The following PTPN12 variants were observed in gnomAD, a reference collection of about 807,000 sequenced individuals.
The protein encoded by PTPN12 is tyrosine-protein phosphatase non-receptor type 12.
PTPN12 carries 29 observed loss-of-function variants against 97.6 expected under a neutral mutation model. The ratio of observed to expected loss-of-function variants is 0.30; its 90% CI spans 0.22 to 0.41. The LOEUF (loss-of-function observed/expected upper bound fraction) is 0.41. PTPN12 is among the 10% of genes least tolerant of loss of function. The probability of loss-of-function intolerance (pLI) is 1.00; values close to 1 mark genes in which losing one functional copy is unlikely to be tolerated. For missense variants in PTPN12, 819 were observed against 926.0 expected (o/e 0.88, Z 1.50); for synonymous variants, 327 against 300.4 (o/e 1.09, Z -0.91).
Position 77,627,373 on chromosome 7 carries a change from CTG to C in PTPN12, c.1697_1698del (p.Val566GlufsTer11), listed in dbSNP as rs1229004721. The C allele has an allele frequency of 1.9e-6, 3 of 1,613,952 alleles. No homozygotes were observed. Among genetic ancestry groups the C allele is most frequent in the Non-Finnish European group, 2.5e-6 (3 of 1,179,952 alleles). ...GATATCAACTATCAAACTAGGAAAA[CTG>C]TGAGTTTAACACCAAGTCCTACAAC... On this transcript the variant is annotated frameshift_variant, in exon 13 of 18. Coordinates refer to ENST00000248594, the MANE Select transcript of PTPN12 (RefSeq NM_002835.4). LOFTEE classifies it high-confidence loss of function.
At chr7:77,537,790 T>A (rs1292045431) in intron 1 of PTPN12, 145 bp downstream of exon 1, 1 of 925,508 alleles carries the variant, frequency 1.1e-6, no homozygotes, top group African/African-American at 1.8e-5. Context: ...CCGGGTGGTC[T>A]CGGAGGCCAG....
chr7:77,625,516 T>TCTCTCTCA (rs1274850875), intron 12 of PTPN12, among the ~76,000 whole-genome samples: 1 of 100,322 alleles, frequency 1.0e-5, no homozygotes, highest in Non-Finnish European at 2.0e-5. Flanking sequence ...TCTCTCTCTC[T>TCTCTCTCA]CTCTCTCACT....
rs1787333971 is a variant in PTPN12, at chr7:77,576,109, C to T, written c.208+4923C>T. On this transcript the variant is annotated intron_variant, in intron 2 of 17. Coordinates refer to ENST00000248594, the MANE Select transcript of PTPN12 (RefSeq NM_002835.4). The stretch of plus-strand genomic sequence containing the variant: ...GACCTCGTGATCCGCCTGCCTCGGC[C>T]TCCCAAAGTGCTGGGATTACAGGCT... Among the ~76,000 whole-genome samples, 3 of 152,174 alleles carry T rather than the reference C, an allele frequency of 2.0e-5. No individual in the cohort carries two copies. In the South Asian group the frequency reaches 6.2e-4, roughly 32 times the overall value.
At chr7:77,549,232 G>A (rs1292819267) in intron 1 of PTPN12, among the ~76,000 whole-genome samples, 2 of 152,144 alleles carry the variant, frequency 1.3e-5, no homozygotes, top group African/African-American at 4.8e-5. Flanking sequence ...GCAGTCCAAA[G>A]AGTGTCTAGT....
chr7:77,635,387 C>T (rs1174841624), intron 14 of PTPN12, among the ~76,000 whole-genome samples: 1 of 152,120 alleles, frequency 6.6e-6, no homozygotes, highest in Non-Finnish European at 1.5e-5. Flanking sequence ...CGAGATCGCG[C>T]CTGGTCAACA....
intron 1 of PTPN12, among the ~76,000 whole-genome samples, chr7:77,556,210 G>A (rs953314615): frequency 6.6e-6 from 1 of 152,074 alleles, no homozygotes; most frequent in African/African-American, 2.4e-5. Context: ...ACAGGCATGT[G>A]TGAACATGCC....
intron 16 of PTPN12, 64 bp downstream of exon 16, chr7:77,637,112 A>G: frequency 7.7e-7 from 1 of 1,299,982 alleles, no homozygotes; most frequent in Non-Finnish European, 1.1e-6. Context: ...TCTACAAAAT[A>G]ACATGCTTCA....
intron 11 of PTPN12, 98 bp from the exon 12 acceptor site, chr7:77,618,382 G>A (rs1788823367): frequency 1.3e-6 from 1 of 795,350 alleles, no homozygotes; most frequent in Admixed American, 2.7e-5. Flanking sequence ...AATTGGCATT[G>A]TTTAAGGATT....
At chr7:77,591,492 TTAAAA>T (rs1192571521) in intron 5 of PTPN12, among the ~76,000 whole-genome samples, 17 of 152,308 alleles carry the variant, frequency 1.1e-4, no homozygotes, top group African/African-American at 4.1e-4. Flanking sequence ...CTATACCTGT[TTAAAA>T]TAGGAAGGTA....
intron 5 of PTPN12, 133 bp from the exon 6 acceptor site, chr7:77,592,052 T>C (rs1787883879): frequency 4.2e-6 from 3 of 721,974 alleles, no homozygotes; most frequent in Non-Finnish European, 7.0e-6. Context: ...CTCTCTCAGC[T>C]CCATGCCTGC....
chr7:77,637,853 G>A (rs1359640348), intron 16 of PTPN12, among the ~76,000 whole-genome samples: 2 of 57,680 alleles, frequency 3.5e-5, no homozygotes, highest in African/African-American at 1.9e-4. Flanking sequence ...GGGAAACTCC[G>A]TCTCAAAAAA....
Position 77,537,316 on chromosome 7 carries a change from G to T in PTPN12, c.-231G>T. 1.9e-6 allele frequency: 1 copy of T among 513,684 alleles called. No homozygotes were observed. The highest frequency in any genetic ancestry group is 3.3e-6 in the Non-Finnish European group (1 of 305,872). 31.8% of individuals were successfully genotyped at this position (513,684 alleles called of 1,614,324 possible). On this transcript the variant is annotated 5_prime_UTR_variant, in exon 1 of 18. Coordinates refer to ENST00000248594, the MANE Select transcript of PTPN12 (RefSeq NM_002835.4). ...TGGCGCTAGCGCAGCGGCTCGCCTGGTACTGTGGGAGAGCGGCGGCTGCTC... is the reference window on the plus strand; with the variant it reads ...TGGCGCTAGCGCAGCGGCTCGCCTGTTACTGTGGGAGAGCGGCGGCTGCTC...
intron 12 of PTPN12, among the ~76,000 whole-genome samples, chr7:77,626,204 G>C (rs537998969): frequency 2.2e-4 from 33 of 152,262 alleles, no homozygotes; most frequent in African/African-American, 7.0e-4. Flanking sequence ...CAGTCATTAG[G>C]GGAAAACAAG....
At chr7:77,537,857 C>T (rs988279022) in intron 1 of PTPN12, among the ~76,000 whole-genome samples, 1 of 151,690 alleles carries the variant, frequency 6.6e-6, no homozygotes, top group Non-Finnish European at 1.5e-5. Flanking sequence ...GTTCGCGACC[C>T]CCGCGCGGGT....
At position 77,613,853 on chromosome 7, in the gene PTPN12, T is replaced by C. The variant is rs145921237; in HGVS notation, c.939+2807T>C. On this transcript the variant is annotated intron_variant, in intron 11 of 17. Coordinates refer to ENST00000248594, the MANE Select transcript of PTPN12 (RefSeq NM_002835.4). ...TCAGCCTCCCAAAGTGCAGGAATTA[T>C]AGGCTAAAGTTCTTTTATTGCAATA... Among the ~76,000 whole-genome samples the C allele has an allele frequency of 1.1e-3, 168 of 152,070 alleles. No homozygotes were observed. The East Asian group carries it at 0.025, about 23-fold the overall frequency.
In PTPN12 at chr7:77,592,187, A is replaced by G; in HGVS notation, c.423A>G (p.Lys141=). The change falls in exon 6 of 18, where the codon AAA becomes AAG. Residue 141 remains lysine, a splice_region_variant and synonymous_variant. Transcript: ENST00000248594. The stretch of plus-strand genomic sequence containing the variant: ...TAATTTTTTTTTTTGGATGACAGAA[A>G]AAATGTGAGCGCTATTGGCCTTTGT... ...MACREFEMGR[K]KCERYWPLYG... is the part of the protein sequence containing the mutation. 1 of 1,599,760 alleles carries G rather than the reference A, an allele frequency of 6.3e-7. No homozygotes were observed. Among genetic ancestry groups the G allele is most frequent in the Non-Finnish European group, 8.5e-7 (1 of 1,176,348 alleles).
intron 5 of PTPN12, among the ~76,000 whole-genome samples, chr7:77,587,559 T>G (rs1467222584): frequency 6.6e-6 from 1 of 152,190 alleles, no homozygotes; most frequent in Non-Finnish European, 1.5e-5. Context: ...TTGGCATGAT[T>G]TTTAGAGCCC....
intron 11 of PTPN12, among the ~76,000 whole-genome samples, chr7:77,611,665 G>T (rs1259360768): frequency 6.6e-6 from 1 of 152,122 alleles, no homozygotes; most frequent in South Asian, 2.1e-4. Context: ...GGCTGGTCTC[G>T]AACTCCTGAC....
intron 1 of PTPN12, among the ~76,000 whole-genome samples, chr7:77,546,960 G>T (rs1431956519): frequency 6.6e-6 from 1 of 152,224 alleles, no homozygotes; most frequent in South Asian, 2.1e-4. Flanking sequence ...ATTTGGTGGG[G>T]ACACAAAGCC....
Sources: gnomAD v4.1 joint callset for allele counts (sites outside exome capture counted in the v4.1 genomes callset) on GRCh38, gnomAD v4.1.1 for gene constraint, MANE v1.5 for transcripts, NCBI Gene and HGNC (gene_info 2026-07-23, HGNC 2026-07-21) for gene names.